The following ADGRL3 variants were observed in gnomAD, a reference collection of about 807,000 sequenced individuals.
ADGRL3 encodes adhesion G protein-coupled receptor L3.
In ADGRL3, 62 loss-of-function variants were observed where a neutral mutation model predicts 153.5. That is an observed-to-expected ratio of 0.40 (90% CI 0.33 to 0.50). The LOEUF (loss-of-function observed/expected upper bound fraction) is 0.50, where lower values mean the gene tolerates loss of function less well. Ranked by LOEUF, ADGRL3 falls within the 20% of genes least tolerant of loss-of-function variation. ADGRL3 has a pLI of 0.47. For missense variants in ADGRL3, 1,641 were observed against 1,859.4 expected, an observed-to-expected ratio of 0.88 and a Z score of 2.16; for synonymous variants, 710 against 672.5, an observed-to-expected ratio of 1.06 and a Z score of -0.86.
At chr4:61,667,990 A>G (rs1016479050) in intron 5 of ADGRL3, among the ~76,000 whole-genome samples, 1 of 152,176 alleles carries the variant, frequency 6.6e-6, no homozygotes, top group Non-Finnish European at 1.5e-5. Flanking sequence ...GTTAGGATGA[A>G]TAATGACCCC....
chr4:62,033,924 A>AT (rs1451438482), intron 23 of ADGRL3, among the ~76,000 whole-genome samples: 1 of 151,676 alleles, frequency 6.6e-6, no homozygotes, highest in African/African-American at 2.4e-5. Flanking sequence ...TGCTTTGAGT[A>AT]TTTTTTTATT....
intron 8 of ADGRL3, among the ~76,000 whole-genome samples, chr4:61,755,411 T>C (rs1301878082): frequency 6.6e-6 from 1 of 152,274 alleles, no homozygotes; most frequent in Admixed American, 6.5e-5. Flanking sequence ...GCTACATAAA[T>C]GTCTTCTTTT....
chr4:61,864,338 T>A (rs931838435), intron 9 of ADGRL3, among the ~76,000 whole-genome samples: 1 of 152,214 alleles, frequency 6.6e-6, no homozygotes, highest in African/African-American at 2.4e-5. Context: ...CCCATTGGAT[T>A]TAAGCTCCAG....
intron 9 of ADGRL3, among the ~76,000 whole-genome samples, chr4:61,841,721 A>G (rs1433518707): frequency 6.6e-6 from 1 of 152,240 alleles, no homozygotes; most frequent in Non-Finnish European, 1.5e-5. Context: ...TTATCATGAG[A>G]AAAAATAATT....
intron 25 of ADGRL3, among the ~76,000 whole-genome samples, chr4:62,052,471 G>C (rs1734746713): frequency 6.6e-6 from 1 of 151,080 alleles, no homozygotes; most frequent in Admixed American, 6.6e-5. Context: ...GGAAAAAAAT[G>C]CTTGAAAAAA....
intron 21 of ADGRL3, among the ~76,000 whole-genome samples, chr4:62,004,084 T>G (rs1380616766): frequency 6.6e-6 from 1 of 152,124 alleles, no homozygotes; most frequent in African/African-American, 2.4e-5. Flanking sequence ...TACATTCAGC[T>G]TGATGAGTAT....
chr4:61,267,687 G>A (rs778707148), intron 1 of ADGRL3, among the ~76,000 whole-genome samples: 2 of 151,370 alleles, frequency 1.3e-5, no homozygotes, highest in African/African-American at 4.8e-5. Context: ...CTCTTTTCCC[G>A]CCTCTCTCTC....
intron 26 of ADGRL3, 144 bp downstream of exon 26, chr4:62,068,327 AAT>A (rs1481756125): frequency 3.7e-6 from 2 of 537,082 alleles, no homozygotes; most frequent in East Asian, 3.3e-5. Flanking sequence ...GACTTATATA[AAT>A]ATATGTTAAT....
At chr4:61,283,615 A>T (rs1254105883) in intron 1 of ADGRL3, among the ~76,000 whole-genome samples, 1 of 151,902 alleles carries the variant, frequency 6.6e-6, no homozygotes, top group Non-Finnish European at 1.5e-5. Flanking sequence ...AATGGTACAG[A>T]TTGTTTCTTC....
At chr4:61,479,697 T>C (rs778231926) in intron 2 of ADGRL3, among the ~76,000 whole-genome samples, 1 of 152,154 alleles carries the variant, frequency 6.6e-6, no homozygotes, top group Non-Finnish European at 1.5e-5. Flanking sequence ...GTAAATTCAC[T>C]GAAACATGTA....
intron 9 of ADGRL3, among the ~76,000 whole-genome samples, chr4:61,836,354 T>A (rs2097934982): frequency 6.6e-6 from 1 of 152,168 alleles, no homozygotes; most frequent in Admixed American, 6.6e-5. Flanking sequence ...ACAAAAATTA[T>A]TGAAACATTG....
At chr4:61,424,825 C>T (rs1301678169) in intron 2 of ADGRL3, among the ~76,000 whole-genome samples, 1 of 152,152 alleles carries the variant, frequency 6.6e-6, no homozygotes, top group African/African-American at 2.4e-5. Flanking sequence ...AGTAATGACA[C>T]CTGCTCCAGG....
intron 8 of ADGRL3, among the ~76,000 whole-genome samples, chr4:61,812,766 T>G (rs1441387151): frequency 6.6e-6 from 1 of 152,216 alleles, no homozygotes; most frequent in Non-Finnish European, 1.5e-5. Flanking sequence ...CATCTTGGCC[T>G]TAAAATTCAC....
intron 21 of ADGRL3, among the ~76,000 whole-genome samples, chr4:62,012,532 CAG>C (rs1488309043): frequency 6.6e-6 from 1 of 152,168 alleles, no homozygotes; most frequent in Non-Finnish European, 1.5e-5. Context: ...AGGATTTCAA[CAG>C]ATAGTCTGGC....
rs369695278 is a variant in ADGRL3, at chr4:61,892,956, T to C, written c.1781T>C (p.Ile594Thr). The change falls in exon 10 of 27, where the codon ATA becomes ACA. Residue 594 changes from isoleucine to threonine, a missense_variant and splice_region_variant. Ile to Thr is a moderately conservative substitution (Grantham distance 89). Transcript: ENST00000683033. ...AAGCAGCCATGCCCTGCAGGAACTA[T>C]AGGTAAGTCTGTGCTAAAGCACTAA... The part of the protein sequence containing the change: ...IAKQPCPAGT[I>T]GVSTYLCLAP... The C allele has an allele frequency of 7.3e-6, 11 of 1,513,756 alleles. No homozygotes were observed. In the African/African-American group the frequency reaches 1.4e-4, roughly 19 times the overall value. 93.8% of individuals were successfully genotyped at this position (1,513,756 alleles called of 1,614,324 possible). A position where few individuals can be genotyped will look rare whatever the true frequency, so the allele number is the denominator to read the frequency against.
intron 1 of ADGRL3, among the ~76,000 whole-genome samples, chr4:61,363,977 A>T (rs2096342887): frequency 1.3e-5 from 2 of 152,082 alleles, no homozygotes; most frequent in South Asian, 4.1e-4. Context: ...TGTGATAAAT[A>T]ATTGGTGGGC....
chr4:61,860,737 C>T (rs1179494808), intron 9 of ADGRL3, among the ~76,000 whole-genome samples: 1 of 152,140 alleles, frequency 6.6e-6, no homozygotes, highest in African/African-American at 2.4e-5. Flanking sequence ...ATGAGAGTGC[C>T]TGTCATATGG....
At chr4:62,025,325 C>A (rs1420678326) in intron 21 of ADGRL3, among the ~76,000 whole-genome samples, 3 of 152,150 alleles carry the variant, frequency 2.0e-5, no homozygotes. Flanking sequence ...ATTCTTCCTC[C>A]ACTGCCTGCT....
At chr4:61,534,369 T>C (rs1437615636) in intron 4 of ADGRL3, among the ~76,000 whole-genome samples, 4 of 152,272 alleles carry the variant, frequency 2.6e-5, no homozygotes, top group East Asian at 3.9e-4. Context: ...AGTCAGGAAA[T>C]GTGATGTCTC....
Sources: gnomAD v4.1 joint callset for allele counts (sites outside exome capture counted in the v4.1 genomes callset) on GRCh38, gnomAD v4.1.1 for gene constraint, MANE v1.5 for transcripts, NCBI Gene and HGNC (gene_info 2026-07-23, HGNC 2026-07-21) for gene names.